AHI1: variants seen among roughly 807,000 people sequenced by gnomAD.
AHI1 encodes the protein jouberin.
In AHI1, 123 loss-of-function variants were observed where a neutral mutation model predicts 149.3. That is an observed-to-expected ratio of 0.82 (90% CI 0.71 to 0.96). AHI1 has a LOEUF of 0.96. AHI1 is among the 40% of genes least tolerant of loss of function. The probability of loss-of-function intolerance (pLI) is 0.00; values close to 1 mark genes in which losing one functional copy is unlikely to be tolerated. For synonymous variants in AHI1, 475 were observed against 459.8 expected, an observed-to-expected ratio of 1.03 and a Z score of -0.42; for missense variants, 1,439 against 1,422.7, an observed-to-expected ratio of 1.01 and a Z score of -0.18.
chr6:135,492,956 T>A, intron 3 of AHI1: 2 of 973,748 alleles, frequency 2.1e-6, no homozygotes, highest in Non-Finnish European at 2.4e-6. Flanking sequence ...GTAATATGCA[T>A]GTTTTTGAGA....
intron 26 of AHI1, among the ~76,000 whole-genome samples, chr6:135,315,399 C>T (rs1401312651): frequency 6.6e-6 from 1 of 152,154 alleles, no homozygotes; most frequent in East Asian, 1.9e-4. Flanking sequence ...CGGTAGCTTG[C>T]TGTAACCTTG....
intron 20 of AHI1, among the ~76,000 whole-genome samples, chr6:135,426,506 C>A (rs1451351075): frequency 6.6e-6 from 1 of 151,494 alleles, no homozygotes; most frequent in Non-Finnish European, 1.5e-5. Flanking sequence ...AAGAAACTAA[C>A]AAAGACTTTT....
intron 24 of AHI1, among the ~76,000 whole-genome samples, chr6:135,354,918 C>T (rs897155587): frequency 2.0e-5 from 3 of 152,088 alleles, no homozygotes; most frequent in South Asian, 2.1e-4. Flanking sequence ...CTATAATATA[C>T]GAGCAGGCCA....
At chr6:135,302,511 T>A (rs552709580) in intron 26 of AHI1, 1 of 1,018,496 alleles carries the variant, frequency 9.8e-7, no homozygotes, top group African/African-American at 1.7e-5. Flanking sequence ...TTAAACATGG[T>A]CCCTGCCATC....
chr6:135,466,258 C>T lies in AHI1; in HGVS notation c.305G>A (p.Arg102Lys). Residue 102 changes from arginine to lysine, a missense_variant, in exon 7 of 29, where the codon AGG (arginine) becomes AAG (lysine). Coordinates refer to ENST00000265602, the MANE Select transcript of AHI1 (RefSeq NM_001134831.2). ...KSTRVTKNKL[R>K]NTQLATENPN... ...ATTTTCAGTTGCTAACTGTGTGTTCCTCAATTTGTTTTTAGTGACTCTCGT... is the reference window on the plus strand; with the variant it reads ...ATTTTCAGTTGCTAACTGTGTGTTCTTCAATTTGTTTTTAGTGACTCTCGT... 1 of 1,613,868 alleles carries T rather than the reference C, an allele frequency of 6.2e-7. No individual in the cohort carries two copies. Among genetic ancestry groups the T allele is most frequent in the Non-Finnish European group, 8.5e-7 (1 of 1,179,850 alleles).
Position 135,447,133 on chromosome 6 carries a change from C to A in AHI1, c.1654G>T (p.Ala552Ser). Residue 552 changes from alanine (A) to serine (S), a missense_variant, in exon 13 of 29, where the codon GCT (alanine) becomes TCT (serine). By Grantham distance (99) the Ala-to-Ser change is moderately conservative (BLOSUM62 1). Transcript: ENST00000265602. ...GGTTTACCTTTTTCCTCCTGAAGAGCCATCATAGAGCGGTAAGATGGCTTT... is the reference window on the plus strand; with the variant it reads ...GGTTTACCTTTTTCCTCCTGAAGAGACATCATAGAGCGGTAAGATGGCTTT... ...CIKPSYRSMM[A>S]LQEEKGKPVH... is the part of the protein sequence containing the mutation. 1 of 1,604,152 alleles carries A rather than the reference C, an allele frequency of 6.2e-7. No homozygotes were observed. The highest frequency in any genetic ancestry group is 8.5e-7 in the Non-Finnish European group (1 of 1,175,368).
chr6:135,290,303 T>C (rs1490127974), intron 28 of AHI1, 120 bp downstream of exon 28: 6 of 699,316 alleles, frequency 8.6e-6, no homozygotes, highest in Non-Finnish European at 1.3e-5. Context: ...AGATCCCAAA[T>C]GGGACTTGTC....
At chr6:135,368,564 G>A (rs1774544200) in intron 23 of AHI1, among the ~76,000 whole-genome samples, 1 of 152,282 alleles carries the variant, frequency 6.6e-6, no homozygotes, top group African/African-American at 2.4e-5. Context: ...TTTGGGCGGG[G>A]CTTGCTGCAA....
At position 135,437,806 on chromosome 6, in the gene AHI1, TA is replaced by T. The variant is rs746925646; in HGVS notation, c.2036+568del. Reference sequence around the variant, plus strand: ...ACACATTCAAGGTAGAACAAGCAACTAAAAAAAGTATAAATGAAACTTTTAA... The same window carrying T: ...ACACATTCAAGGTAGAACAAGCAACTAAAAAAGTATAAATGAAACTTTTAA... On this transcript the variant is annotated intron_variant, in intron 15 of 28. Transcript: ENST00000265602. 5.9e-5 allele frequency among the ~76,000 whole-genome samples: 9 copies of T among 152,238 alleles called. No homozygotes were observed. In the East Asian group the frequency reaches 9.6e-4, roughly 16 times the overall value.
intron 24 of AHI1, among the ~76,000 whole-genome samples, chr6:135,354,354 T>C (rs1352950794): frequency 6.6e-6 from 1 of 152,148 alleles, no homozygotes; most frequent in African/African-American, 2.4e-5. Context: ...CTCAAGACAC[T>C]AGAAATTATA....
At chr6:135,309,544 G>A (rs1395253587) in intron 26 of AHI1, among the ~76,000 whole-genome samples, 2 of 150,742 alleles carry the variant, frequency 1.3e-5, no homozygotes, top group South Asian at 2.1e-4. Flanking sequence ...GTGCAATGGC[G>A]TGATCTCAGC....
intron 23 of AHI1, among the ~76,000 whole-genome samples, chr6:135,364,075 C>G (rs1164363755): frequency 6.7e-6 from 1 of 149,572 alleles, no homozygotes; most frequent in South Asian, 2.1e-4. Flanking sequence ...GGGGGCTGAC[C>G]CCCCCACCTC....
intron 24 of AHI1, among the ~76,000 whole-genome samples, chr6:135,341,681 C>A (rs779893377): frequency 2.1e-4 from 32 of 151,830 alleles, no homozygotes; most frequent in South Asian, 1.0e-3. Flanking sequence ...CAGAAAATTT[C>A]ATAATGTATG....
chr6:135,292,038 T>C (rs1465806509), intron 27 of AHI1, among the ~76,000 whole-genome samples: 1 of 152,164 alleles, frequency 6.6e-6, no homozygotes. Context: ...TCCAGAACTC[T>C]GGATTATTTT....
At chr6:135,417,138 A>G (rs1782493366) in intron 20 of AHI1, among the ~76,000 whole-genome samples, 1 of 152,104 alleles carries the variant, frequency 6.6e-6, no homozygotes. Flanking sequence ...AAATAAATAA[A>G]CAAATGCATA....
intron 5 of AHI1, among the ~76,000 whole-genome samples, chr6:135,473,426 C>T (rs1583417398): frequency 6.6e-6 from 1 of 152,066 alleles, no homozygotes; most frequent in Admixed American, 6.5e-5. Flanking sequence ...TGTTCTAGGT[C>T]TGTTGTTTAC....
chr6:135,387,760 A>G, intron 23 of AHI1: 1 of 1,215,820 alleles, frequency 8.2e-7, no homozygotes. Flanking sequence ...TCAAACTAAA[A>G]AAAAAAATCA....
chr6:135,353,577 C>T (rs1448817389), intron 24 of AHI1, among the ~76,000 whole-genome samples: 1 of 151,996 alleles, frequency 6.6e-6, no homozygotes, highest in Non-Finnish European at 1.5e-5. Context: ...TATAATACTG[C>T]AATAGGTAGC....
At chr6:135,463,377 G>C in intron 7 of AHI1, 71 bp from the exon 8 acceptor site, 1 of 1,266,320 alleles carries the variant, frequency 7.9e-7, no homozygotes, top group Non-Finnish European at 1.1e-6. Context: ...TGATGCAACA[G>C]AGTGAACAGT....
Sources: gnomAD v4.1 joint callset for allele counts (sites outside exome capture counted in the v4.1 genomes callset) on GRCh38, gnomAD v4.1.1 for gene constraint, MANE v1.5 for transcripts, NCBI Gene and HGNC (gene_info 2026-07-23, HGNC 2026-07-21) for gene names.